Variants in ZNF831 observed in about 807,000 individuals in gnomAD.
ZNF831 encodes chromosome 20 open reading frame 174.
In ZNF831, 59 loss-of-function variants were observed where a neutral mutation model predicts 95.8. The observed-to-expected ratio is 0.62, with a 90% CI of 0.50 to 0.77. The LOEUF is 0.77. Among genes scored for constraint, ZNF831 ranks in the 30% least tolerant of loss-of-function variants. The pLI, the probability that ZNF831 is intolerant of heterozygous loss-of-function variation, is 0.00. For missense variants in ZNF831, 2,205 were observed against 2,164.0 expected (o/e 1.02, Z -0.38); for synonymous variants, 961 against 925.5 (o/e 1.04, Z -0.70).
At position 59,193,751 on chromosome 20, in the gene ZNF831, C is replaced by CA; in HGVS notation, c.2733dup (p.Ala912SerfsTer16). ...GCTACCCCACTGCATCCTGCAGCCC[C>CA]AGCCCCCGCAGAGCACCCCTCGCTG... On this transcript the variant is annotated frameshift_variant, in exon 2 of 6. Transcript: ENST00000371030. LOFTEE classifies it high-confidence loss of function. 2 of 1,609,060 alleles carry CA rather than the reference C, an allele frequency of 1.2e-6. No homozygotes were observed. The highest frequency in any genetic ancestry group is 1.7e-6 in the Non-Finnish European group (2 of 1,177,478).
chr20:59,192,526 A>G lies in ZNF831; in HGVS notation c.1507A>G (p.Arg503Gly). ...STTVECVPVT[R>G]SNSLPFVEGS... The stretch of plus-strand genomic sequence containing the variant: ...CACCGTGGAATGTGTCCCCGTCACC[A>G]GGAGCAACTCGCTGCCCTTCGTCGA... Residue 503 changes from arginine (R) to glycine (G), a missense_variant, in exon 2 of 6, where the codon AGG (arginine) becomes GGG (glycine). Transcript: ENST00000371030. This position sits in a 1 kb window ranked among gnomAD's most constrained non-coding sequence, Gnocchi z 5.2. 1 of 1,532,588 alleles carries G rather than the reference A, an allele frequency of 6.5e-7. No individual in the cohort carries two copies. Among genetic ancestry groups the G allele is most frequent in the South Asian group, 1.3e-5 (1 of 77,648 alleles). The allele number at this position is 1,532,588 out of a possible 1,614,324, so 94.9% of individuals were successfully genotyped here. A position where few individuals can be genotyped will look rare whatever the true frequency, so the allele number is the denominator to read the frequency against.
intron 2 of ZNF831, among the ~76,000 whole-genome samples, chr20:59,148,353 C>T (rs1473269731): frequency 6.6e-6 from 1 of 152,098 alleles, no homozygotes. Context: ...TGGGAAGCAT[C>T]ACCACTGCTA....
At chr20:59,253,777 G>T in intron 5 of ZNF831, 121 bp from the exon 6 acceptor site, 1 of 1,160,044 alleles carries the variant, frequency 8.6e-7, no homozygotes, top group Non-Finnish European at 1.2e-6. Context: ...GTTCACCCTT[G>T]GTAAAGAATC....
At chr20:59,202,009 T>C (rs1341963810) in intron 3 of ZNF831, among the ~76,000 whole-genome samples, 1 of 152,202 alleles carries the variant, frequency 6.6e-6, no homozygotes, top group Non-Finnish European at 1.5e-5. Flanking sequence ...CAGGCTTACC[T>C]CATCTGTTTC....
intron 1 of ZNF831, among the ~76,000 whole-genome samples, chr20:59,166,104 C>A (rs1388077566): frequency 1.3e-5 from 2 of 152,088 alleles, no homozygotes; most frequent in South Asian, 4.2e-4. Flanking sequence ...TGGAGCTTTT[C>A]CAGATATGGT....
At chr20:59,140,779 C>G (rs1979653331) in intron 1 of ZNF831, among the ~76,000 whole-genome samples, 1 of 152,136 alleles carries the variant, frequency 6.6e-6, no homozygotes, top group South Asian at 2.1e-4. Flanking sequence ...GATATCTTAT[C>G]ATGGTTTTAC....
At chr20:59,206,761 A>G in intron 3 of ZNF831, 144 bp from the exon 4 acceptor site, 1 of 816,790 alleles carries the variant, frequency 1.2e-6, no homozygotes, top group Non-Finnish European at 2.0e-6. Context: ...TGAGGTATGG[A>G]GGGATCAGGA....
intron 1 of ZNF831, among the ~76,000 whole-genome samples, chr20:59,183,909 A>G (rs1203925722): frequency 6.6e-6 from 1 of 152,132 alleles, no homozygotes; most frequent in Non-Finnish European, 1.5e-5. Flanking sequence ...ACCAAAGTCC[A>G]TAGTCTACAC....
intron 4 of ZNF831, among the ~76,000 whole-genome samples, chr20:59,232,195 C>A (rs2146700312): frequency 6.6e-6 from 1 of 152,218 alleles, no homozygotes; most frequent in East Asian, 1.9e-4. Context: ...TGTATGGACA[C>A]CTTTAATCCA....
chr20:59,148,687 A>G (rs1980033343), intron 2 of ZNF831, among the ~76,000 whole-genome samples: 1 of 48,284 alleles, frequency 2.1e-5, no homozygotes, highest in Non-Finnish European at 4.4e-5. Context: ...CTCAAAAAAA[A>G]AAAAAAAAAA....
intron 4 of ZNF831, among the ~76,000 whole-genome samples, chr20:59,244,996 T>G (rs748162375): frequency 2.0e-5 from 3 of 152,242 alleles, no homozygotes; most frequent in Non-Finnish European, 4.4e-5. Flanking sequence ...TATTTCACCT[T>G]ATAAGATACC....
At position 59,191,001 on chromosome 20, in the gene ZNF831, GCC is replaced by G. The variant is rs1234225479; in HGVS notation, c.-18_-17del. The G allele has an allele frequency of 6.8e-7, 1 of 1,471,118 alleles. No homozygotes were observed. The highest frequency in any genetic ancestry group is 8.9e-7 in the Non-Finnish European group (1 of 1,119,882). The allele number at this position is 1,471,118 out of a possible 1,614,324, so 91.1% of individuals were successfully genotyped here. ...GTCTGCAGGTTTTCCAGCATTGTGG[GCC>G]ATCCAGATGATGCGGAATGGAGGTT... On this transcript the variant is annotated 5_prime_UTR_variant, in exon 2 of 6. Transcript: ENST00000371030.
upstream of ZNF831, chr20:59,160,032 G>C (rs903819504): frequency 1.2e-4 from 19 of 152,332 alleles, no homozygotes; most frequent in Non-Finnish European, 7.3e-5. Flanking sequence ...GTGAGGCCAG[G>C]CACAGCCAAG....
At chr20:59,244,707 T>C (rs1441543820) in intron 4 of ZNF831, among the ~76,000 whole-genome samples, 2 of 152,224 alleles carry the variant, frequency 1.3e-5, no homozygotes, top group Non-Finnish European at 2.9e-5. Flanking sequence ...TGTTGTTGTT[T>C]TTTACACAAA....
chr20:59,245,996 C>G (rs1397321628), intron 4 of ZNF831, among the ~76,000 whole-genome samples: 2 of 152,108 alleles, frequency 1.3e-5, no homozygotes, highest in Non-Finnish European at 2.9e-5. Context: ...TTGAATACAT[C>G]TCTGGCACAA....
chr20:59,137,017 A>G lies in ZNF831; in HGVS notation c.-1424-9214A>G, dbSNP rs76204997. ...ATAAGCTGGTGAAGCACCTTGGACT[A>G]TGTGGGCAAGGGCATTTGTTAGGGA... On this transcript the variant is annotated intron_variant, in intron 1 of 7. Coordinates refer to the ZNF831 transcript ENST00000637017. Among the ~76,000 whole-genome samples, 64 of 152,346 alleles carry G rather than the reference A, an allele frequency of 4.2e-4. 2 individuals are homozygous for G. In the East Asian group the frequency reaches 9.6e-3, roughly 23 times the overall value.
In ZNF831 at chr20:59,128,099, A is replaced by G. The variant is rs4812057; in HGVS notation, c.-1425+4594A>G. Among the ~76,000 whole-genome samples, 1,026 of 152,374 alleles carry G rather than the reference A, an allele frequency of 6.7e-3. 34 individuals are homozygous for G. Among genetic ancestry groups the G allele is most frequent in the East Asian group, 0.065 (335 of 5,190 alleles). ...TGGGGTGTGGTCTGCATCCAGAAGC[A>G]GACATTTATGTAAATTTTCATTTAT... On this transcript the variant is annotated intron_variant, in intron 1 of 7. Coordinates refer to the ZNF831 transcript ENST00000637017.
At position 59,258,759 on chromosome 20, in the gene ZNF831, G is replaced by C. The variant is rs563386478; in HGVS notation, c.*4016G>C. ...TTTTTCAGAACCCATTAAATATAAG[G>C]GTCAGAACCTAGAAAATCTTATGTG... On this transcript the variant is annotated 3_prime_UTR_variant, in exon 6 of 6. Transcript: ENST00000371030. 1 of 152,170 alleles carries C rather than the reference G, an allele frequency of 6.6e-6. No homozygotes were observed. The highest frequency in any genetic ancestry group is 2.4e-5 in the African/African-American group (1 of 41,516). 9.4% of individuals were successfully genotyped at this position (152,170 alleles called of 1,614,324 possible). A position where few individuals can be genotyped will look rare whatever the true frequency, so the allele number is the denominator to read the frequency against.
At chr20:59,231,559 G>A (rs939441672) in intron 4 of ZNF831, among the ~76,000 whole-genome samples, 1 of 152,274 alleles carries the variant, frequency 6.6e-6, no homozygotes, top group East Asian at 1.9e-4. Flanking sequence ...AGAGAAGAAC[G>A]TCTTTTTGCT....
Sources: gnomAD v4.1 joint callset for allele counts (sites outside exome capture counted in the v4.1 genomes callset) on GRCh38, gnomAD v4.1.1 for gene constraint, Gnocchi (gnomAD v3.1) non-coding constraint, MANE v1.5 for transcripts, NCBI Gene and HGNC (gene_info 2026-07-23, HGNC 2026-07-21) for gene names.